Variants in BICC1 observed in about 807,000 individuals in gnomAD.
BICC1 encodes protein bicaudal C homolog 1.
In BICC1, 43 loss-of-function variants were observed where a neutral mutation model predicts 111.0. The observed-to-expected ratio is 0.39, with a 90% CI of 0.30 to 0.50. The LOEUF (loss-of-function observed/expected upper bound fraction) is 0.50. Ranked by LOEUF, BICC1 falls within the 20% of genes least tolerant of loss-of-function variation. The pLI, the probability that BICC1 is intolerant of heterozygous loss-of-function variation, is 0.88. For synonymous variants in BICC1, 467 were observed against 434.4 expected (o/e 1.07, Z -0.93); for missense variants, 1,091 against 1,203.2 (o/e 0.91, Z 1.38).
At chr10:58,616,304 T>C (rs1017635554) in intron 1 of BICC1, among the ~76,000 whole-genome samples, 2 of 152,180 alleles carry the variant, frequency 1.3e-5, no homozygotes, top group African/African-American at 4.8e-5. Flanking sequence ...AGTGACATGC[T>C]CAGAGATGTG....
chr10:58,806,781 G>C (rs1021621596), intron 16 of BICC1, among the ~76,000 whole-genome samples, 158 bp downstream of exon 16: 1 of 152,032 alleles, frequency 6.6e-6, no homozygotes, highest in Non-Finnish European at 1.5e-5. Flanking sequence ...ATATTTTGTT[G>C]AATGGTTTAG....
chr10:58,513,514 C>T (rs912679976), intron 1 of BICC1, among the ~76,000 whole-genome samples, 181 bp downstream of exon 1: 3 of 152,260 alleles, frequency 2.0e-5, no homozygotes, highest in African/African-American at 7.2e-5. Context: ...ACTCCCCACC[C>T]TTCCACGCCT....
intron 1 of BICC1, among the ~76,000 whole-genome samples, chr10:58,517,033 T>C (rs1302565297): frequency 6.6e-6 from 1 of 152,150 alleles, no homozygotes; most frequent in Non-Finnish European, 1.5e-5. Flanking sequence ...AAAACATATA[T>C]GTGTACTATA....
At chr10:58,783,607 TTGTGAAAGG>T (rs60624902) in intron 3 of BICC1, among the ~76,000 whole-genome samples, 116,383 of 150,954 alleles carry the variant, frequency 0.77, 45,466 homozygotes, top group East Asian at 1. Context: ...TGGTGGTAAA[TTGTGAAAGG>T]TGTGAAAGGT....
chr10:58,582,991 G>T (rs2132016336), intron 1 of BICC1, among the ~76,000 whole-genome samples: 1 of 152,210 alleles, frequency 6.6e-6, no homozygotes, highest in South Asian at 2.1e-4. Flanking sequence ...TGATGGAGGG[G>T]CCGTTATTCT....
chr10:58,563,846 A>G (rs1278745583), intron 1 of BICC1, among the ~76,000 whole-genome samples: 2 of 152,170 alleles, frequency 1.3e-5, no homozygotes, highest in African/African-American at 4.8e-5. Flanking sequence ...TTTCTTGATA[A>G]AAGTTGCCAG....
intron 3 of BICC1, among the ~76,000 whole-genome samples, chr10:58,770,525 G>T (rs1248943013): frequency 6.6e-6 from 1 of 151,916 alleles, no homozygotes; most frequent in Non-Finnish European, 1.5e-5. Flanking sequence ...TATATGTTTG[G>T]ATTCCCTTGA....
intron 3 of BICC1, among the ~76,000 whole-genome samples, chr10:58,761,626 G>A (rs903868291): frequency 1.3e-5 from 2 of 152,154 alleles, no homozygotes; most frequent in Non-Finnish European, 2.9e-5. Flanking sequence ...CTGAAGATGT[G>A]TTGTTGAGAA....
At chr10:58,521,382 T>C (rs1842382018) in intron 1 of BICC1, among the ~76,000 whole-genome samples, 1 of 152,150 alleles carries the variant, frequency 6.6e-6, no homozygotes, top group African/African-American at 2.4e-5. Flanking sequence ...TGATAAATAT[T>C]TAGCCCGCTG....
chr10:58,734,335 T>C (rs1354832782), intron 3 of BICC1, among the ~76,000 whole-genome samples: 1 of 152,240 alleles, frequency 6.6e-6, no homozygotes, highest in African/African-American at 2.4e-5. Context: ...CTGGTTAGAA[T>C]GAGATTTTTG....
intron 2 of BICC1, among the ~76,000 whole-genome samples, chr10:58,632,513 T>C (rs1564522535): frequency 2.0e-5 from 3 of 152,022 alleles, no homozygotes; most frequent in Admixed American, 6.5e-5. Flanking sequence ...TGATTTTTTT[T>C]TTTTTCCCCT....
chr10:58,740,361 T>C (rs1841619814), intron 3 of BICC1, among the ~76,000 whole-genome samples: 1 of 152,218 alleles, frequency 6.6e-6, no homozygotes, highest in Non-Finnish European at 1.5e-5. Context: ...TATCAGAGTC[T>C]TAAGGTTTTG....
chr10:58,798,828 T>C (rs1843442599), intron 11 of BICC1, among the ~76,000 whole-genome samples: 1 of 152,188 alleles, frequency 6.6e-6, no homozygotes, highest in Admixed American at 6.5e-5. Context: ...CTGGTAGTCA[T>C]TTACATCTGT....
chr10:58,731,407 A>G (rs1564579960), intron 3 of BICC1, among the ~76,000 whole-genome samples: 1 of 150,546 alleles, frequency 6.6e-6, no homozygotes, highest in Non-Finnish European at 1.5e-5. Context: ...AGCCCCCCAT[A>G]CTCTTTGAAC....
intron 1 of BICC1, among the ~76,000 whole-genome samples, chr10:58,609,350 A>C (rs1409133353): frequency 1.3e-5 from 2 of 152,078 alleles, no homozygotes; most frequent in Non-Finnish European, 2.9e-5. Flanking sequence ...ATTTGGAAAT[A>C]CTCTTTGTTT....
At chr10:58,735,170 T>C (rs1052458633) in intron 3 of BICC1, among the ~76,000 whole-genome samples, 1 of 152,254 alleles carries the variant, frequency 6.6e-6, no homozygotes, top group Non-Finnish European at 1.5e-5. Context: ...ATGTGTTATC[T>C]ATGATGTGAT....
chr10:58,520,213 A>T (rs768127838), intron 1 of BICC1, among the ~76,000 whole-genome samples: 1 of 152,216 alleles, frequency 6.6e-6, no homozygotes, highest in Non-Finnish European at 1.5e-5. Context: ...ACATAGGGTA[A>T]TAGTGACCAC....
intron 2 of BICC1, among the ~76,000 whole-genome samples, chr10:58,628,155 C>G (rs917206488): frequency 1.1e-4 from 16 of 152,090 alleles, no homozygotes; most frequent in Non-Finnish European, 7.4e-5. Context: ...TCTTTCTGTA[C>G]TTTCCTACAA....
chr10:58,542,377 G>A lies in BICC1; in HGVS notation c.190+29044G>A, dbSNP rs200530978. Among the ~76,000 whole-genome samples the A allele has an allele frequency of 2.0e-5, 3 of 151,926 alleles. No homozygotes were observed. The East Asian group carries it at 5.8e-4, about 29-fold the overall frequency. ...TATACCAGATTAAAAAAAATTAAAT[G>A]GATTAAGACCTAAATGTAATACCTG... On this transcript the variant is annotated intron_variant, in intron 1 of 20. Coordinates refer to ENST00000373886, the MANE Select transcript of BICC1 (RefSeq NM_001080512.3).
Sources: allele counts gnomAD v4.1 joint callset (sites outside exome capture counted in the v4.1 genomes callset), GRCh38; gene constraint gnomAD v4.1.1; transcripts MANE v1.5; gene names NCBI Gene and HGNC (gene_info 2026-07-23, HGNC 2026-07-21).